IQCH: variants seen among roughly 807,000 people sequenced by gnomAD.
IQCH encodes the protein IQ motif containing H.
In IQCH, 98 loss-of-function variants were observed where a neutral mutation model predicts 117.0. The observed-to-expected ratio is 0.84, with a 90% CI of 0.71 to 0.99. The LOEUF (loss-of-function observed/expected upper bound fraction) is 0.99. IQCH is among the 50% of genes least tolerant of loss of function. The probability of loss-of-function intolerance (pLI) is 0.00; values close to 1 mark genes in which losing one functional copy is unlikely to be tolerated. For missense variants in IQCH, 1,102 were observed against 1,243.8 expected (o/e 0.89, Z 1.72); for synonymous variants, 412 against 448.2 (o/e 0.92, Z 1.02).
At position 67,406,790 on chromosome 15, in the gene IQCH, T is replaced by C. The variant is rs1309092298; in HGVS notation, c.2097+6485T>C. On this transcript the variant is annotated intron_variant, in intron 14 of 20. Coordinates refer to ENST00000335894, the MANE Select transcript of IQCH (RefSeq NM_001031715.3). The surrounding 1 kb of genome is among the most constrained non-coding windows in gnomAD (Gnocchi z 4.5). ...TCAGCTCTCCAAGTCTCCCTTTCTC[T>C]ATCTGTAAAGAGAGATTAGTACCTG... 6.6e-6 allele frequency: 1 copy of C among 152,200 alleles called. No homozygotes were observed. The highest frequency in any genetic ancestry group is 1.5e-5 in the Non-Finnish European group (1 of 68,036). 9.4% of individuals were successfully genotyped at this position (152,200 alleles called of 1,614,324 possible). A position where few individuals can be genotyped will look rare whatever the true frequency, so the allele number is the denominator to read the frequency against.
chr15:67,315,171 A>G (rs1967787741), intron 4 of IQCH, among the ~76,000 whole-genome samples: 1 of 152,220 alleles, frequency 6.6e-6, no homozygotes, highest in African/African-American at 2.4e-5. Flanking sequence ...ATGGTCAAAC[A>G]GACCTGAATG....
chr15:67,445,738 G>A lies in IQCH; in HGVS notation c.2506-19389G>A, dbSNP rs573491647. On this transcript the variant is annotated intron_variant, in intron 16 of 20. Coordinates refer to ENST00000335894, the MANE Select transcript of IQCH (RefSeq NM_001031715.3). This position sits in a 1 kb window ranked among gnomAD's most constrained non-coding sequence, Gnocchi z 4.3. ...AGGCGTGAGCCACCGCACCTGGCCT[G>A]TTTTTTAATCTTTGTAGATGTCTCC... is the stretch of plus-strand genomic sequence containing the variant. Among the ~76,000 whole-genome samples, 11 of 152,282 alleles carry A rather than the reference G, an allele frequency of 7.2e-5. No individual in the cohort carries two copies. Among genetic ancestry groups the A allele is most frequent in the African/African-American group, 2.4e-4 (10 of 41,568 alleles).
intron 13 of IQCH, among the ~76,000 whole-genome samples, chr15:67,396,542 C>T (rs1252929013): frequency 2.0e-5 from 3 of 152,174 alleles, no homozygotes; most frequent in South Asian, 2.1e-4. Context: ...CAGATGTTCT[C>T]CCATTTAACT....
rs1763502468 is a variant in IQCH, at chr15:67,498,513, G to A, written c.2971-2120G>A. Among the ~76,000 whole-genome samples the A allele has an allele frequency of 2.0e-5, 3 of 152,020 alleles. No individual in the cohort carries two copies. In the South Asian group the frequency reaches 6.2e-4, roughly 32 times the overall value. ...CACCTGTAATCCCAGCTACTCAGGA[G>A]GCTGAGGCAGGAGAATCACTTGAAC... is the stretch of plus-strand genomic sequence containing the variant. On this transcript the variant is annotated intron_variant, in intron 20 of 20. Coordinates refer to ENST00000335894, the MANE Select transcript of IQCH (RefSeq NM_001031715.3).
intron 8 of IQCH, among the ~76,000 whole-genome samples, chr15:67,362,619 A>G (rs1970183557): frequency 6.6e-6 from 1 of 152,172 alleles, no homozygotes; most frequent in Non-Finnish European, 1.5e-5. Flanking sequence ...CTATCTGTAT[A>G]AAAAGGAGAT....
chr15:67,316,064 A>G (rs1032221947), intron 4 of IQCH, among the ~76,000 whole-genome samples: 1 of 152,160 alleles, frequency 6.6e-6, no homozygotes, highest in Non-Finnish European at 1.5e-5. Flanking sequence ...AGAGGCCCAG[A>G]TACGTCTAAT....
intron 4 of IQCH, among the ~76,000 whole-genome samples, chr15:67,307,449 G>A (rs1357455728): frequency 6.8e-6 from 1 of 146,120 alleles, no homozygotes; most frequent in Non-Finnish European, 1.5e-5. Context: ...TAGAAAGTGA[G>A]GCAATTGTGT....
chr15:67,412,753 C>T (rs1447158867), intron 14 of IQCH, among the ~76,000 whole-genome samples: 3 of 152,112 alleles, frequency 2.0e-5, no homozygotes, highest in East Asian at 1.9e-4. Context: ...TGGCTTATAA[C>T]AGATATTCAA....
rs1970435062 is a variant in IQCH at position 67,369,175 on chromosome 15, A to G, written c.754-2936A>G. On this transcript the variant is annotated intron_variant, in intron 8 of 20. Transcript: ENST00000335894. This position sits in a 1 kb window ranked among gnomAD's most constrained non-coding sequence, Gnocchi z 5.2. ...TTGTTTTGGATTTAGAATTTTGCCTAAATAACTGCTCCAGAAACTCTCAAA... is the reference window on the plus strand; with the variant it reads ...TTGTTTTGGATTTAGAATTTTGCCTGAATAACTGCTCCAGAAACTCTCAAA... 6.6e-6 allele frequency among the ~76,000 whole-genome samples: 1 copy of G among 152,200 alleles called. No individual in the cohort carries two copies. The highest frequency in any genetic ancestry group is 2.4e-5 in the African/African-American group (1 of 41,452).
Position 67,373,440 on chromosome 15 carries a change from C to T in IQCH, c.1372+7C>T, listed in dbSNP as rs374875292. On this transcript the variant is annotated splice_region_variant and intron_variant, in intron 10 of 20. Transcript: ENST00000335894. ...ATCCATATCCCATCATTAGGTATAACACTTTTGCCTGCAAATCTATCAGCA... is the reference window on the plus strand; with the variant it reads ...ATCCATATCCCATCATTAGGTATAATACTTTTGCCTGCAAATCTATCAGCA... 3.8e-6 allele frequency: 6 copies of T among 1,589,154 alleles called. No individual in the cohort carries two copies. Among genetic ancestry groups the T allele is most frequent in the Non-Finnish European group, 3.5e-6 (4 of 1,157,568 alleles).
At chr15:67,461,481 A>G (rs7164062) in intron 16 of IQCH, among the ~76,000 whole-genome samples, 132,598 of 152,234 alleles carry the variant, frequency 0.87, 57,820 homozygotes, top group African/African-American at 0.91. Flanking sequence ...ACAGTCTAGA[A>G]GGGGAGATAG....
intron 18 of IQCH, among the ~76,000 whole-genome samples, chr15:67,489,277 C>T (rs2083578253): frequency 1.3e-5 from 2 of 152,008 alleles, no homozygotes; most frequent in South Asian, 4.2e-4. Context: ...TCGTGATCCG[C>T]CTGCCTCGGC....
chr15:67,494,338 C>G lies in IQCH; in HGVS notation c.2942C>G (p.Pro981Arg). 6.2e-7 allele frequency: 1 copy of G among 1,613,022 alleles called. No individual in the cohort carries two copies. Among genetic ancestry groups the G allele is most frequent in the Non-Finnish European group, 8.5e-7 (1 of 1,179,708 alleles). ...LFIIHQEISA[P>R]NMQGETNFKT... Reference sequence around the variant, plus strand: ...ATCATCCATCAAGAAATATCAGCACCTAATATGCAAGGCGAGACCAATTTT... The same window carrying G: ...ATCATCCATCAAGAAATATCAGCACGTAATATGCAAGGCGAGACCAATTTT... Residue 981 changes from proline to arginine, a missense_variant, in exon 20 of 21, where the codon CCT (proline) becomes CGT (arginine). By Grantham distance (103) the Pro-to-Arg change is moderately radical. Transcript: ENST00000335894. This position sits in a 1 kb window ranked among gnomAD's most constrained non-coding sequence, Gnocchi z 5.5.
chr15:67,328,154 T>A (rs1022658710), intron 4 of IQCH, among the ~76,000 whole-genome samples: 1 of 78,522 alleles, frequency 1.3e-5, no homozygotes, highest in African/African-American at 3.6e-5. Flanking sequence ...TGTTTGTTTG[T>A]TTTTAGTTTT....
chr15:67,263,812 A>T (rs1200674900), intron 3 of IQCH, among the ~76,000 whole-genome samples: 2 of 152,216 alleles, frequency 1.3e-5, no homozygotes, highest in Non-Finnish European at 2.9e-5. Context: ...AATATCTATT[A>T]TGTGCATCCT....
intron 4 of IQCH, among the ~76,000 whole-genome samples, chr15:67,319,951 A>C (rs1968034298): frequency 6.6e-6 from 1 of 152,238 alleles, no homozygotes; most frequent in African/African-American, 2.4e-5. Context: ...AAATGAGTTA[A>C]ATTTTTTTAA....
In IQCH at chr15:67,313,442, C is replaced by CAAAT. The variant is rs149249612; in HGVS notation, c.388-23532_388-23531insAATA. Among the ~76,000 whole-genome samples, 953 of 152,234 alleles carry CAAAT rather than the reference C, an allele frequency of 6.3e-3. 10 individuals carry two copies. Among genetic ancestry groups the CAAAT allele is most frequent in the African/African-American group, 0.022 (914 of 41,518 alleles). On this transcript the variant is annotated intron_variant, in intron 4 of 20. Transcript: ENST00000335894. ...GTTATGTGACTCCCAGATTAATGCT[C>CAAAT]ATTTGGTTCCTTGTGGAACCACTAG...
rs1023584228 is a variant in IQCH, at chr15:67,369,963, T to C, written c.754-2148T>C. 7.9e-5 allele frequency among the ~76,000 whole-genome samples: 12 copies of C among 152,174 alleles called. No homozygotes were observed. Among genetic ancestry groups the C allele is most frequent in the Admixed American group, 1.3e-4 (2 of 15,276 alleles). On this transcript the variant is annotated intron_variant, in intron 8 of 20. Coordinates refer to ENST00000335894, the MANE Select transcript of IQCH (RefSeq NM_001031715.3). This position sits in a 1 kb window ranked among gnomAD's most constrained non-coding sequence, Gnocchi z 5.2. ...TTGATGTCCAGGAGTATGTTTCCTT[T>C]GAGAGCAGGTCTTTGCTGGAATATC...
At chr15:67,264,132 C>T (rs773843793) in intron 3 of IQCH, among the ~76,000 whole-genome samples, 9 of 152,236 alleles carry the variant, frequency 5.9e-5, no homozygotes, top group Non-Finnish European at 1.0e-4. Flanking sequence ...TACATGAAGG[C>T]AGTGCCACAG....
Sources: allele counts gnomAD v4.1 joint callset (sites outside exome capture counted in the v4.1 genomes callset), GRCh38; gene constraint gnomAD v4.1.1; non-coding constraint Gnocchi (gnomAD v3.1); transcripts MANE v1.5; gene names NCBI Gene and HGNC (gene_info 2026-07-23, HGNC 2026-07-21).